Variants in AKAP13 observed in about 807,000 individuals in gnomAD.
The protein encoded by AKAP13 is A-kinase anchoring protein 13, also known as A-kinase anchor protein 13.
AKAP13 carries 80 observed loss-of-function variants against 264.5 expected under a neutral mutation model. That is an observed-to-expected ratio of 0.30 (90% confidence interval 0.25 to 0.36). AKAP13 has a LOEUF of 0.36. Among genes scored for constraint, AKAP13 ranks in the 10% least tolerant of loss-of-function variants. The pLI is 1.00. For missense variants in AKAP13, 3,712 were observed against 3,435.2 expected (o/e 1.08, Z -2.01); for synonymous variants, 1,380 against 1,250.2 (o/e 1.10, Z -2.19).
At chr15:85,381,472 G>C (rs1291971956) in intron 1 of AKAP13, among the ~76,000 whole-genome samples, 3 of 129,936 alleles carry the variant, frequency 2.3e-5, no homozygotes, top group Non-Finnish European at 4.8e-5. Context: ...GCTATACTTT[G>C]ATACCAAACA....
intron 8 of AKAP13, among the ~76,000 whole-genome samples, chr15:85,635,536 T>G (rs1006233247): frequency 7.2e-5 from 11 of 152,276 alleles, no homozygotes; most frequent in Non-Finnish European, 1.5e-4. Flanking sequence ...TTCCTAACAG[T>G]GGCTTTTGAG....
At chr15:85,381,365 C>T (rs2070248013) in intron 1 of AKAP13, among the ~76,000 whole-genome samples, 1 of 151,906 alleles carries the variant, frequency 6.6e-6, no homozygotes, top group African/African-American at 2.4e-5. Context: ...GGGGGTGCGG[C>T]CCAGCTGACC....
chr15:85,501,634 C>G (rs1567090617), intron 2 of AKAP13, among the ~76,000 whole-genome samples: 1 of 152,304 alleles, frequency 6.6e-6, no homozygotes, highest in African/African-American at 2.4e-5. Context: ...ATTTAATCAT[C>G]TTAATGATCT....
At chr15:85,468,899 C>A (rs780614947) in intron 1 of AKAP13, among the ~76,000 whole-genome samples, 18 of 150,822 alleles carry the variant, frequency 1.2e-4, no homozygotes, top group Non-Finnish European at 2.2e-4. Context: ...GTTGATCTGG[C>A]CCTTATTAGG....
chr15:85,673,749 G>A (rs2955437), intron 14 of AKAP13, among the ~76,000 whole-genome samples: 2 of 123,186 alleles, frequency 1.6e-5, no homozygotes, highest in Admixed American at 1.1e-4. Context: ...GCAGTGGCAC[G>A]ATCTTGGCTC....
intron 8 of AKAP13, among the ~76,000 whole-genome samples, chr15:85,591,706 A>G (rs901174765): frequency 2.0e-5 from 3 of 152,100 alleles, no homozygotes; most frequent in Non-Finnish European, 4.4e-5. Flanking sequence ...CTGCAAACCA[A>G]TATCGTATGT....
At chr15:85,613,713 T>TATATGTA (rs1254657975) in intron 8 of AKAP13, among the ~76,000 whole-genome samples, 1 of 111,026 alleles carries the variant, frequency 9.0e-6, no homozygotes, top group African/African-American at 3.4e-5. Flanking sequence ...TATATATATA[T>TATATGTA]TAGGAGTGCT....
intron 1 of AKAP13, among the ~76,000 whole-genome samples, chr15:85,476,171 A>C (rs542706668): frequency 6.6e-6 from 1 of 152,182 alleles, no homozygotes; most frequent in Non-Finnish European, 1.5e-5. Context: ...CATGTGAGGT[A>C]TGCAGGGACT....
At chr15:85,504,967 ACT>A (rs749103489) in intron 2 of AKAP13, among the ~76,000 whole-genome samples, 4 of 147,034 alleles carry the variant, frequency 2.7e-5, no homozygotes, top group Non-Finnish European at 4.5e-5. Flanking sequence ...TTTTGCTCTC[ACT>A]CTCTGTGTGT....
At chr15:85,526,360 A>G (rs2077042525) in intron 3 of AKAP13, among the ~76,000 whole-genome samples, 1 of 152,050 alleles carries the variant, frequency 6.6e-6, no homozygotes, top group South Asian at 2.1e-4. Flanking sequence ...CCCAGGCTGA[A>G]GTTATTCTTA....
At chr15:85,605,518 C>A (rs1335767921) in intron 8 of AKAP13, among the ~76,000 whole-genome samples, 1 of 152,126 alleles carries the variant, frequency 6.6e-6, no homozygotes, top group East Asian at 1.9e-4. Flanking sequence ...ATAGCTGATG[C>A]ATTGCTGGGC....
intron 8 of AKAP13, among the ~76,000 whole-genome samples, chr15:85,598,715 A>G (rs1352355351): frequency 6.6e-6 from 1 of 152,180 alleles, no homozygotes; most frequent in African/African-American, 2.4e-5. Context: ...AAAGAAATGA[A>G]CCAGGAGTTG....
At chr15:85,496,365 G>C (rs778958097) in intron 2 of AKAP13, among the ~76,000 whole-genome samples, 1 of 152,122 alleles carries the variant, frequency 6.6e-6, no homozygotes, top group Non-Finnish European at 1.5e-5. Context: ...GACTTTGCGC[G>C]TAGATTAACT....
chr15:85,434,784 C>A (rs1488611184), intron 1 of AKAP13, among the ~76,000 whole-genome samples: 1 of 151,342 alleles, frequency 6.6e-6, no homozygotes, highest in Admixed American at 6.6e-5. Context: ...GGAAAACTAA[C>A]AAACAGAAAG....
chr15:85,722,401 G>A, intron 25 of AKAP13, 54 bp downstream of exon 25: 1 of 1,436,612 alleles, frequency 7.0e-7, no homozygotes, highest in Non-Finnish European at 9.5e-7. Flanking sequence ...TTCCTCTGTG[G>A]CCAGTAGTAC....
At chr15:85,409,517 G>C (rs1166423479) in intron 1 of AKAP13, among the ~76,000 whole-genome samples, 2 of 150,892 alleles carry the variant, frequency 1.3e-5, no homozygotes, top group Non-Finnish European at 2.9e-5. Flanking sequence ...AATTATTTAT[G>C]TATTCTAAAT....
chr15:85,406,361 C>T (rs1167196703), intron 1 of AKAP13, among the ~76,000 whole-genome samples: 1 of 150,102 alleles, frequency 6.7e-6, no homozygotes, highest in Non-Finnish European at 1.5e-5. Flanking sequence ...CTTGCTCTCT[C>T]TCAACTAATT....
Position 85,579,503 on chromosome 15 carries a change from G to T in AKAP13, c.1435G>T (p.Ala479Ser), listed in dbSNP as rs1348419089. 1 of 1,614,080 alleles carries T rather than the reference G, an allele frequency of 6.2e-7. No individual in the cohort carries two copies. The highest frequency in any genetic ancestry group is 1.3e-5 in the African/African-American group (1 of 74,928). The stretch of plus-strand genomic sequence containing the variant: ...AACAAATGTCAGTACCCCAGACACT[G>T]CAGGGGAAATGGAACATGGGCTCAT... Reference protein sequence around the residue: ...STTNVSTPDTAGEMEHGLMNP... With the variant: ...STTNVSTPDTSGEMEHGLMNP... The change falls in exon 7 of 37, where the codon GCA (alanine) becomes TCA (serine). Residue 479 changes from alanine (A) to serine (S), a missense_variant. This residue lies in a region of AKAP13 where 2,759 missense variants were observed against 2,411.7 expected (regional missense o/e 1.14). Transcript: ENST00000394518.
chr15:85,633,003 C>A (rs962595686), intron 8 of AKAP13, among the ~76,000 whole-genome samples: 3 of 152,020 alleles, frequency 2.0e-5, no homozygotes, highest in Non-Finnish European at 4.4e-5. Flanking sequence ...GTAGCTGGGA[C>A]TACAGGCATG....
Sources: allele counts gnomAD v4.1 joint callset (sites outside exome capture counted in the v4.1 genomes callset), GRCh38; gene constraint gnomAD v4.1.1; regional missense constraint gnomAD v4.1.1; transcripts MANE v1.5; gene names NCBI Gene and HGNC (gene_info 2026-07-23, HGNC 2026-07-21).